The following XK variants were observed in gnomAD, a reference collection of about 807,000 sequenced individuals.
XK encodes the protein endoplasmic reticulum membrane adapter protein XK.
XK carries 2 observed loss-of-function variants against 14.0 expected under a neutral mutation model. The ratio of observed to expected loss-of-function variants is 0.14; its 90% CI spans 0.06 to 0.45. The LOEUF (loss-of-function observed/expected upper bound fraction) is 0.45, where lower values mean the gene tolerates loss of function less well. XK is among the 20% of genes least tolerant of loss of function. The pLI is 0.98. For synonymous variants in XK, 149 were observed against 147.5 expected (o/e 1.01, Z -0.08); for missense variants, 235 against 341.5 (o/e 0.69, Z 2.46).
At position 37,728,706 on chromosome X, in the gene XK, C is replaced by T. The variant is rs1395585476; in HGVS notation, c.*244C>T. The T allele has an allele frequency of 3.5e-5, 14 of 395,592 alleles. No homozygotes were observed. The highest frequency in any genetic ancestry group is 6.2e-5 in the Non-Finnish European group (14 of 226,614). 32.6% of individuals were successfully genotyped at this position (395,592 alleles called of 1,213,427 possible). A position where few individuals can be genotyped will look rare whatever the true frequency, so the allele number is the denominator to read the frequency against. The stretch of plus-strand genomic sequence containing the variant: ...TCACAGGTAACCATGTTGTGTTCTT[C>T]TAGGCATTACTGGCCTTTTCACTGA... On this transcript the variant is annotated 3_prime_UTR_variant, in exon 3 of 3. Coordinates refer to ENST00000378616, the MANE Select transcript of XK (RefSeq NM_021083.4).
chrX:37,723,399 GTGTCTCCCTCCC>G (rs1927917278), intron 2 of XK, among the ~76,000 whole-genome samples: 1 of 111,453 alleles, frequency 9.0e-6, no homozygotes, highest in African/African-American at 3.3e-5. Context: ...TCTCCCAAAT[GTGTCTCCCTCCC>G]TGACCCCATT....
chrX:37,693,818 G>A (rs781925037), intron 1 of XK, among the ~76,000 whole-genome samples: 26 of 111,748 alleles, frequency 2.3e-4, no homozygotes, highest in Non-Finnish European at 3.4e-4. Context: ...ACGTGTGTGC[G>A]TGCATGCATG....
At chrX:37,701,870 A>G (rs1556443920) in intron 2 of XK, among the ~76,000 whole-genome samples, 2 of 110,919 alleles carry the variant, frequency 1.8e-5, no homozygotes. Context: ...GAGGAAGGAG[A>G]CAGCGGAAGA....
At chrX:37,716,369 A>G (rs782389316) in intron 2 of XK, among the ~76,000 whole-genome samples, 7 of 112,613 alleles carry the variant, frequency 6.2e-5, no homozygotes, top group African/African-American at 2.3e-4. Flanking sequence ...AGAACAAAAA[A>G]TAAAGTATTT....
Position 37,730,413 on chromosome X carries a change from T to C in XK, c.*1951T>C, listed in dbSNP as rs1225661106. The C allele has an allele frequency of 8.9e-6, 1 of 112,703 alleles. No homozygotes were observed. Among genetic ancestry groups the C allele is most frequent in the Non-Finnish European group, 1.9e-5 (1 of 53,297 alleles). 9.3% of individuals were successfully genotyped at this position (112,703 alleles called of 1,213,427 possible). A position where few individuals can be genotyped will look rare whatever the true frequency, so the allele number is the denominator to read the frequency against. ...AAAATAAAGCTACCATGTTAATACA[T>C]CATTTTTTGTTTCTTCCTAATTAAC... On this transcript the variant is annotated 3_prime_UTR_variant, in exon 3 of 3. Transcript: ENST00000378616.
chrX:37,713,408 A>G lies in XK; in HGVS notation c.509-14228A>G, dbSNP rs782767133. Among the ~76,000 whole-genome samples the G allele has an allele frequency of 1.8e-3, 202 of 111,626 alleles. 1 individual carries two copies. Among genetic ancestry groups the G allele is most frequent in the African/African-American group, 6.5e-3 (201 of 30,739 alleles). Reference sequence around the variant, plus strand: ...ACCAGAATCATTTTTGCTTGATCCTATTAGGAGTCACATGATCTCAGATTC... The same window carrying G: ...ACCAGAATCATTTTTGCTTGATCCTGTTAGGAGTCACATGATCTCAGATTC... On this transcript the variant is annotated intron_variant, in intron 2 of 2. Coordinates refer to ENST00000378616, the MANE Select transcript of XK (RefSeq NM_021083.4).
intron 1 of XK, among the ~76,000 whole-genome samples, chrX:37,689,669 T>C (rs1280699808): frequency 8.9e-6 from 1 of 112,203 alleles, no homozygotes; most frequent in East Asian, 2.8e-4. Flanking sequence ...ATATTTCATT[T>C]GTATCAGTCT....
intron 2 of XK, among the ~76,000 whole-genome samples, chrX:37,698,131 T>G (rs1379865573): frequency 3.6e-5 from 4 of 112,096 alleles, no homozygotes; most frequent in Non-Finnish European, 7.5e-5. Context: ...CCCTGCAGCC[T>G]GCCATTTGGC....
At chrX:37,710,739 CA>C (rs1927647628) in intron 2 of XK, among the ~76,000 whole-genome samples, 2 of 112,560 alleles carry the variant, frequency 1.8e-5, no homozygotes, top group Admixed American at 9.4e-5. Context: ...TCTTGTATGA[CA>C]TTTTGAGAGG....
chrX:37,711,881 AGAAT>A (rs1316495796), intron 2 of XK, among the ~76,000 whole-genome samples: 5 of 111,799 alleles, frequency 4.5e-5, no homozygotes, highest in African/African-American at 1.3e-4. Flanking sequence ...TTTGTGCAAG[AGAAT>A]GAATGAAGTT....
chrX:37,687,272 A>T (rs1360053189), intron 1 of XK, among the ~76,000 whole-genome samples: 3 of 99,385 alleles, frequency 3.0e-5, no homozygotes, highest in East Asian at 6.2e-4. Flanking sequence ...CAAAGTTATA[A>T]TTTTTTTTTT....
chrX:37,724,162 T>C (rs1927932121), intron 2 of XK, among the ~76,000 whole-genome samples: 1 of 111,798 alleles, frequency 8.9e-6, no homozygotes, highest in Non-Finnish European at 1.9e-5. Flanking sequence ...TGTCTAATTA[T>C]AGATGTTTTT....
At chrX:37,724,298 A>T (rs1298806583) in intron 2 of XK, among the ~76,000 whole-genome samples, 3 of 111,721 alleles carry the variant, frequency 2.7e-5, no homozygotes, top group African/African-American at 9.7e-5. Flanking sequence ...AGCATGGATA[A>T]AGCTACAACA....
chrX:37,693,924 G>T lies in XK; in HGVS notation c.246-362G>T, dbSNP rs781843919. 1.2e-4 allele frequency among the ~76,000 whole-genome samples: 14 copies of T among 112,467 alleles called. No homozygotes were observed. The South Asian group carries it at 1.5e-3, about 12-fold the overall frequency. On this transcript the variant is annotated intron_variant, in intron 1 of 2. Coordinates refer to ENST00000378616, the MANE Select transcript of XK (RefSeq NM_021083.4). ...AGTGGAGGGAATGTGCTGGGGTGGG[G>T]ATAGTAGGTGACTCGGCTATGGCTA...
At chrX:37,722,340 G>A (rs1425877355) in intron 2 of XK, among the ~76,000 whole-genome samples, 4 of 111,029 alleles carry the variant, frequency 3.6e-5, no homozygotes, top group Non-Finnish European at 7.6e-5. Context: ...TACACTAGGG[G>A]AAAAGAGTCA....
chrX:37,724,041 A>G (rs1927929299), intron 2 of XK, among the ~76,000 whole-genome samples: 1 of 111,360 alleles, frequency 9.0e-6, no homozygotes, highest in African/African-American at 3.3e-5. Flanking sequence ...TTTCCAGTGA[A>G]TGACATCATT....
At chrX:37,707,962 G>A (rs942443141) in intron 2 of XK, among the ~76,000 whole-genome samples, 16 of 112,829 alleles carry the variant, frequency 1.4e-4, no homozygotes, top group African/African-American at 3.2e-5. Flanking sequence ...CCGGCCCCTC[G>A]GGAGGCCAAG....
At position 37,730,337 on chromosome X, in the gene XK, G is replaced by A. The variant is rs782606054; in HGVS notation, c.*1875G>A. 1 of 112,202 alleles carries A rather than the reference G, an allele frequency of 8.9e-6. No homozygotes were observed. The highest frequency in any genetic ancestry group is 3.6e-4 in the South Asian group (1 of 2,752). 9.2% of individuals were successfully genotyped at this position (112,202 alleles called of 1,213,427 possible). A position where few individuals can be genotyped will look rare whatever the true frequency, so the allele number is the denominator to read the frequency against. ...CTTCATGTAATCACATATGTGCATA[G>A]ATACACAATCGTATTACATAAAACA... On this transcript the variant is annotated 3_prime_UTR_variant, in exon 3 of 3. Coordinates refer to ENST00000378616, the MANE Select transcript of XK (RefSeq NM_021083.4).
intron 1 of XK, among the ~76,000 whole-genome samples, chrX:37,688,272 C>A (rs782562998): frequency 9.1e-6 from 1 of 109,418 alleles, no homozygotes; most frequent in South Asian, 4.0e-4. Context: ...TTCACCGTGC[C>A]AGCCAGGATG....
Sources: gnomAD v4.1 joint callset for allele counts (sites outside exome capture counted in the v4.1 genomes callset) on GRCh38, gnomAD v4.1.1 for gene constraint, MANE v1.5 for transcripts, NCBI Gene and HGNC (gene_info 2026-07-23, HGNC 2026-07-21) for gene names.